GABBR2: variants seen among roughly 807,000 people sequenced by gnomAD.
The protein encoded by GABBR2 is G-protein coupled receptor 51.
Under a neutral mutation model 105.6 loss-of-function variants are expected in GABBR2, and 23 were observed. The observed-to-expected ratio is 0.22, with a 90% CI of 0.16 to 0.31. The LOEUF is 0.31. GABBR2 is among the 10% of genes least tolerant of loss of function. GABBR2 has a pLI of 1.00. For missense variants in GABBR2, 734 were observed against 1,245.5 expected (o/e 0.59, Z 6.18); for synonymous variants, 478 against 499.7 (o/e 0.96, Z 0.58).
At chr9:98,361,373 T>C (rs565088421) in intron 13 of GABBR2, among the ~76,000 whole-genome samples, 17 of 121,324 alleles carry the variant, frequency 1.4e-4, no homozygotes, top group African/African-American at 7.2e-4. Flanking sequence ...ATCATCATCA[T>C]CGCTCTTATC....
chr9:98,465,121 T>TAAAAAAAAA (rs57747633), intron 6 of GABBR2, among the ~76,000 whole-genome samples: 398 of 22,020 alleles, frequency 0.018, 2 homozygotes, highest in Non-Finnish European at 0.02. Context: ...CAATAAATAC[T>TAAAAAAAAA]AAAAAAAAAA....
At chr9:98,628,363 G>T (rs903806833) in intron 1 of GABBR2, among the ~76,000 whole-genome samples, 1 of 152,032 alleles carries the variant, frequency 6.6e-6, no homozygotes, top group African/African-American at 2.4e-5. Context: ...TAAAAGGCAG[G>T]GTAGCTAATT....
chr9:98,434,786 G>T (rs1200063900), intron 7 of GABBR2, among the ~76,000 whole-genome samples: 1 of 152,174 alleles, frequency 6.6e-6, no homozygotes, highest in Non-Finnish European at 1.5e-5. Context: ...TCCACAAGTG[G>T]CTGCGGGCAT....
intron 9 of GABBR2, among the ~76,000 whole-genome samples, chr9:98,391,000 G>T (rs1300967559): frequency 1.3e-5 from 2 of 152,152 alleles, no homozygotes. Context: ...AACAGCAGAA[G>T]TCCTGAGTTT....
chr9:98,293,154 GA>G (rs1830327985), intron 18 of GABBR2, among the ~76,000 whole-genome samples: 1 of 152,196 alleles, frequency 6.6e-6, no homozygotes, highest in South Asian at 2.1e-4. Context: ...TGTGCTATAA[GA>G]TGGGAAGGCC....
At chr9:98,372,433 C>A (rs988248006) in intron 11 of GABBR2, among the ~76,000 whole-genome samples, 3 of 152,250 alleles carry the variant, frequency 2.0e-5, no homozygotes, top group African/African-American at 7.2e-5. Flanking sequence ...AAGCCACGTG[C>A]CCCATGAGTT....
At chr9:98,451,145 G>T (rs1826222494) in intron 7 of GABBR2, among the ~76,000 whole-genome samples, 1 of 152,174 alleles carries the variant, frequency 6.6e-6, no homozygotes, top group South Asian at 2.1e-4. Context: ...TCTAATGGGT[G>T]TTCTGTCCAG....
At chr9:98,318,362 G>A (rs927084955) in intron 13 of GABBR2, among the ~76,000 whole-genome samples, 2 of 152,188 alleles carry the variant, frequency 1.3e-5, no homozygotes, top group Non-Finnish European at 2.9e-5. Flanking sequence ...GGTTAAGAAC[G>A]CAGATTCTCT....
At chr9:98,504,045 C>T (rs1255762320) in intron 3 of GABBR2, among the ~76,000 whole-genome samples, 1 of 152,146 alleles carries the variant, frequency 6.6e-6, no homozygotes, top group Non-Finnish European at 1.5e-5. Flanking sequence ...CCCCCTGTCC[C>T]CATCTCCTCC....
intron 7 of GABBR2, among the ~76,000 whole-genome samples, chr9:98,424,910 A>T (rs1405677519): frequency 1.3e-5 from 2 of 152,008 alleles, no homozygotes; most frequent in Non-Finnish European, 2.9e-5. Flanking sequence ...ATACTGCCCA[A>T]GGTAATTTAT....
intron 13 of GABBR2, among the ~76,000 whole-genome samples, chr9:98,342,828 C>T (rs549682350): frequency 6.6e-6 from 1 of 152,228 alleles, no homozygotes; most frequent in East Asian, 1.9e-4. Flanking sequence ...GCACTTCCCC[C>T]ACCCAGGCCA....
chr9:98,659,496 T>TAAAAC (rs758485097), intron 1 of GABBR2, among the ~76,000 whole-genome samples: 24 of 141,108 alleles, frequency 1.7e-4, no homozygotes, highest in Non-Finnish European at 3.0e-4. Flanking sequence ...CTTTTTTTTT[T>TAAAAC]AAACAACCTT....
chr9:98,384,342 A>G (rs755663755), intron 11 of GABBR2, among the ~76,000 whole-genome samples: 1 of 152,156 alleles, frequency 6.6e-6, no homozygotes. Flanking sequence ...CTTTAAAAAA[A>G]TAACTAGGGA....
intron 1 of GABBR2, among the ~76,000 whole-genome samples, chr9:98,697,436 A>G (rs1199726865): frequency 6.6e-6 from 1 of 151,160 alleles, no homozygotes; most frequent in Non-Finnish European, 1.5e-5. Context: ...GTTTGCAGTG[A>G]GCGGAGATGG....
At chr9:98,409,372 G>GCTCTGGCT (rs1262627084) in intron 7 of GABBR2, among the ~76,000 whole-genome samples, 1 of 152,236 alleles carries the variant, frequency 6.6e-6, no homozygotes, top group African/African-American at 2.4e-5. Flanking sequence ...GACTCTGGAA[G>GCTCTGGCT]CTCTGGCTCA....
intron 5 of GABBR2, among the ~76,000 whole-genome samples, chr9:98,478,287 G>C (rs1826836035): frequency 6.6e-6 from 1 of 152,076 alleles, no homozygotes; most frequent in Non-Finnish European, 1.5e-5. Flanking sequence ...CTCTCTTGGG[G>C]GCCTCTGCTC....
At chr9:98,500,090 A>T (rs1370103372) in intron 3 of GABBR2, among the ~76,000 whole-genome samples, 1 of 152,240 alleles carries the variant, frequency 6.6e-6, no homozygotes, top group Non-Finnish European at 1.5e-5. Context: ...GAAAACAAAA[A>T]AAACTGGAGC....
At chr9:98,541,655 G>A (rs2131740298) in intron 3 of GABBR2, among the ~76,000 whole-genome samples, 1 of 152,314 alleles carries the variant, frequency 6.6e-6, no homozygotes, top group Non-Finnish European at 1.5e-5. Context: ...TGAAAGGGAA[G>A]GTTCACTCCT....
Position 98,362,784 on chromosome 9 carries a change from G to C in GABBR2, c.1824C>G (p.Asp608Glu). 1 of 1,603,726 alleles carries C rather than the reference G, an allele frequency of 6.2e-7. No individual in the cohort carries two copies. Among genetic ancestry groups the C allele is most frequent in the Non-Finnish European group, 8.5e-7 (1 of 1,175,384 alleles). ...LVIVGGMLLI[D>E]LCILICWQAV... ...CCTGCCAGCAGATCAGGATACACAGGTCGATCAGCAGCATGCCCCCCACGA... is the reference window on the plus strand; with the variant it reads ...CCTGCCAGCAGATCAGGATACACAGCTCGATCAGCAGCATGCCCCCCACGA... Residue 608 changes from aspartate to glutamate, a missense_variant, in exon 13 of 19, where the codon GAC becomes GAG. Transcript: ENST00000259455.
Sources: gnomAD v4.1 joint callset for allele counts (sites outside exome capture counted in the v4.1 genomes callset) on GRCh38, gnomAD v4.1.1 for gene constraint, MANE v1.5 for transcripts, NCBI Gene and HGNC (gene_info 2026-07-23, HGNC 2026-07-21) for gene names.